LRTM3: variants seen among roughly 807,000 people sequenced by gnomAD.
LRTM3 encodes the protein leucine-rich repeat transmembrane protein 3.
the LRTM3 span, chr13:102,735,493 T>C: frequency 7.5e-4 from 1,164 of 1,551,226 alleles, 3 homozygotes; most frequent in African/African-American, 0.015. Context: ...TTGGCAGTCC[T>C]TTAACTTGTT....
the LRTM3 span, chr13:102,743,656 C>A: frequency 6.5e-7 from 1 of 1,550,134 alleles, no homozygotes. Context: ...GTACTTCTTC[C>A]TCTTCCTCTG....
chr13:102,742,048 T>C, the LRTM3 span: 1 of 1,550,534 alleles, frequency 6.4e-7, no homozygotes, highest in Non-Finnish European at 8.7e-7. Context: ...GCTTTGGCTG[T>C]GGAAGAATGC....
chr13:102,729,445 G>T, the LRTM3 span: 1 of 1,449,006 alleles, frequency 6.9e-7, no homozygotes. Flanking sequence ...TTTAGCTATG[G>T]TAATGTCAGC....
the LRTM3 span, chr13:102,729,825 A>G: frequency 6.4e-7 from 1 of 1,551,854 alleles, no homozygotes; most frequent in South Asian, 1.2e-5. Flanking sequence ...TCGTGGTCCC[A>G]ATGACTGCTG....
chr13:102,747,686 G>A, the LRTM3 span: 1 of 1,551,066 alleles, frequency 6.4e-7, no homozygotes, highest in Non-Finnish European at 8.7e-7. Context: ...CATTGTAAGT[G>A]GATTCTTTGG....
At chr13:102,738,882 C>T in the LRTM3 span, 249 of 1,550,584 alleles carry the variant, frequency 1.6e-4, no homozygotes, top group Middle Eastern at 6.7e-4. Flanking sequence ...TGCTTCACCT[C>T]CAAAGCTATT....
chr13:102,732,590 T>C, the LRTM3 span: 1 of 1,551,230 alleles, frequency 6.4e-7, no homozygotes, highest in South Asian at 1.2e-5. Flanking sequence ...TTTCTGCTTT[T>C]GCATGATTAG....
the LRTM3 span, chr13:102,758,571 T>G: frequency 6.5e-7 from 1 of 1,547,038 alleles, no homozygotes; most frequent in Non-Finnish European, 8.7e-7. Context: ...GGCAACTGTC[T>G]TCCGTCTATT....
the LRTM3 span, chr13:102,737,462 A>C: frequency 6.5e-7 from 1 of 1,549,862 alleles, no homozygotes; most frequent in Non-Finnish European, 8.7e-7. Context: ...CTCTGTGCCT[A>C]CTCCATCTGC....
the LRTM3 span, chr13:102,739,928 C>G: frequency 6.5e-7 from 1 of 1,550,348 alleles, no homozygotes; most frequent in Non-Finnish European, 8.7e-7. Flanking sequence ...ACCACAGTCA[C>G]TGGTATTGAG....
chr13:102,748,650 T>A, the LRTM3 span: 2 of 1,550,664 alleles, frequency 1.3e-6, no homozygotes, highest in Non-Finnish European at 1.7e-6. Context: ...TGCTTTGGAA[T>A]ATGGAGATCA....
the LRTM3 span, chr13:102,746,625 T>C: frequency 1.9e-6 from 3 of 1,551,190 alleles, no homozygotes; most frequent in Non-Finnish European, 2.6e-6. Context: ...GTACTTGTTG[T>C]GAGTGCAAAT....
chr13:102,733,598 T>C, the LRTM3 span: 1 of 1,551,324 alleles, frequency 6.4e-7, no homozygotes, highest in South Asian at 1.2e-5. Context: ...CATTGTGGGA[T>C]AGGAAAGAAA....
chr13:102,747,583 A>T, the LRTM3 span: 1 of 1,551,170 alleles, frequency 6.4e-7, no homozygotes, highest in South Asian at 1.2e-5. Flanking sequence ...CTTCTGCAAT[A>T]TGACTATCCG....
the LRTM3 span, chr13:102,737,221 T>G: frequency 1.3e-6 from 2 of 1,551,102 alleles, no homozygotes; most frequent in Non-Finnish European, 1.7e-6. Context: ...CTTGTACTGT[T>G]TTTACATCAT....
At chr13:102,742,758 T>C in the LRTM3 span, 1 of 1,550,558 alleles carries the variant, frequency 6.4e-7, no homozygotes, top group South Asian at 1.2e-5. Flanking sequence ...TTCTGTCTTT[T>C]CATTTCTTCT....
chr13:102,743,932 T>A, the LRTM3 span: 4 of 1,550,654 alleles, frequency 2.6e-6, no homozygotes, highest in Non-Finnish European at 3.5e-6. Flanking sequence ...CTACATTTTC[T>A]TGTACCTCTT....
At chr13:102,746,478 C>T in the LRTM3 span, 1 of 1,551,084 alleles carries the variant, frequency 6.4e-7, no homozygotes, top group Non-Finnish European at 8.7e-7. Flanking sequence ...CATTCAGGTA[C>T]CAATCCTTTA....
chr13:102,744,240 T>G, the LRTM3 span: 4 of 1,550,270 alleles, frequency 2.6e-6, no homozygotes, highest in South Asian at 2.4e-5. Context: ...CATTTGGGAC[T>G]CATACTTTTC....
Sources: allele counts gnomAD v4.1 joint callset, GRCh38; gene constraint gnomAD v4.1.1; transcripts MANE v1.5; gene names NCBI Gene and HGNC (gene_info 2026-07-23, HGNC 2026-07-21).